B4GALNT3: variants seen among roughly 807,000 people sequenced by gnomAD.
The protein encoded by B4GALNT3 is beta-1,4-N-acetyl-galactosaminyltransferase 3.
B4GALNT3 carries 86 observed loss-of-function variants against 120.2 expected under a neutral mutation model. That is an observed-to-expected ratio of 0.72 (90% confidence interval 0.60 to 0.86). B4GALNT3 has a LOEUF of 0.86. Among genes scored for constraint, B4GALNT3 ranks in the 40% least tolerant of loss-of-function variants. The pLI, the probability that B4GALNT3 is intolerant of heterozygous loss-of-function variation, is 0.00. For synonymous variants in B4GALNT3, 518 were observed against 510.4 expected, an observed-to-expected ratio of 1.01 and a Z score of -0.20; for missense variants, 1,167 against 1,298.9, an observed-to-expected ratio of 0.90 and a Z score of 1.56.
chr12:545,503 GC>G, intron 6 of B4GALNT3, 34 bp downstream of exon 6: 4 of 1,550,898 alleles, frequency 2.6e-6, no homozygotes, highest in Non-Finnish European at 3.5e-6. Flanking sequence ...CCTCCCATCT[GC>G]TCCTGGAGCC....
intron 17 of B4GALNT3, 36 bp downstream of exon 17, chr12:558,124 C>A: frequency 6.2e-7 from 1 of 1,603,166 alleles, no homozygotes; most frequent in Non-Finnish European, 8.5e-7. Context: ...AGATGGAATT[C>A]AAGGCTGGTT....
intron 1 of B4GALNT3, among the ~76,000 whole-genome samples, chr12:492,335 A>C (rs1185397521): frequency 6.6e-6 from 1 of 152,224 alleles, no homozygotes; most frequent in African/African-American, 2.4e-5. Context: ...GAACAAGTGG[A>C]ATTTGAAATT....
intron 1 of B4GALNT3, among the ~76,000 whole-genome samples, chr12:503,174 A>G (rs1166811356): frequency 6.6e-6 from 1 of 152,154 alleles, no homozygotes; most frequent in Non-Finnish European, 1.5e-5. Flanking sequence ...CCTGTTTCCC[A>G]GCAAGGAAAT....
At chr12:506,838 G>A (rs1418556147) in intron 1 of B4GALNT3, among the ~76,000 whole-genome samples, 7 of 152,108 alleles carry the variant, frequency 4.6e-5, no homozygotes, top group East Asian at 1.9e-4. Flanking sequence ...GGGTTTCACC[G>A]TGTTAGCCAG....
intron 1 of B4GALNT3, among the ~76,000 whole-genome samples, chr12:500,864 G>GTTTTTTTTTTTTTTTTTTTTTTTT (rs1565594758): frequency 6.0e-5 from 1 of 16,744 alleles, no homozygotes; most frequent in Non-Finnish European, 1.1e-4. Context: ...TGGCTCCACT[G>GTTTTTTTTTTTTTTTTTTTTTTTT]CTTTTTTTTT....
chr12:511,901 T>C (rs1946574633), intron 1 of B4GALNT3, among the ~76,000 whole-genome samples: 1 of 112,558 alleles, frequency 8.9e-6, no homozygotes, highest in Admixed American at 8.1e-5. Flanking sequence ...CCTTCCACCT[T>C]CCGCCTTCGA....
chr12:487,762 T>A (rs1349275312), intron 1 of B4GALNT3, among the ~76,000 whole-genome samples: 2 of 149,402 alleles, frequency 1.3e-5, no homozygotes, highest in Non-Finnish European at 3.0e-5. Flanking sequence ...AAGAACAGCC[T>A]GGGAAACATA....
At chr12:554,555 C>G (rs1316849667) in intron 14 of B4GALNT3, among the ~76,000 whole-genome samples, 2 of 151,990 alleles carry the variant, frequency 1.3e-5, no homozygotes, top group African/African-American at 4.8e-5. Flanking sequence ...CTTTGGGAGG[C>G]CGAGGCGGGC....
At chr12:487,571 G>A (rs181322988) in intron 1 of B4GALNT3, among the ~76,000 whole-genome samples, 167 of 152,142 alleles carry the variant, frequency 1.1e-3, no homozygotes, top group Admixed American at 2.9e-3. Context: ...AAACTAGCCC[G>A]GTGTAGTGGC....
chr12:540,046 T>A (rs1464383444), intron 3 of B4GALNT3, among the ~76,000 whole-genome samples: 2 of 152,216 alleles, frequency 1.3e-5, no homozygotes, highest in African/African-American at 4.8e-5. Flanking sequence ...CCGCATGAGT[T>A]AGAACTGAAC....
rs1946937552 is a variant in B4GALNT3 at position 543,060 on chromosome 12, G to C, written c.352-1279G>C. ...AGTTCCCTGTCCTCTCAGCTATTCTGTCACAACCATTGTCCCCGTTGCCTG... is the reference window on the plus strand; with the variant it reads ...AGTTCCCTGTCCTCTCAGCTATTCTCTCACAACCATTGTCCCCGTTGCCTG... On this transcript the variant is annotated intron_variant, in intron 3 of 19. Transcript: ENST00000266383. 8.8e-6 allele frequency: 11 copies of C among 1,253,082 alleles called. No individual in the cohort carries two copies. In the South Asian group the frequency reaches 1.2e-4, roughly 14 times the overall value. The allele number at this position is 1,253,082 out of a possible 1,614,324, so 77.6% of individuals were successfully genotyped here.
At chr12:553,068 A>T in intron 13 of B4GALNT3, 126 bp from the exon 14 acceptor site, 1 of 1,374,384 alleles carries the variant, frequency 7.3e-7, no homozygotes, top group South Asian at 1.4e-5. Context: ...AAGCGATAGA[A>T]CCTGGATTCA....
At chr12:560,486 T>C (rs1947216731) in intron 19 of B4GALNT3, among the ~76,000 whole-genome samples, 1 of 152,206 alleles carries the variant, frequency 6.6e-6, no homozygotes, top group Admixed American at 6.5e-5. Flanking sequence ...TCTCACTCAC[T>C]TAAGCGTTAG....
At chr12:482,819 C>T (rs1270303675) in intron 1 of B4GALNT3, among the ~76,000 whole-genome samples, 1 of 152,154 alleles carries the variant, frequency 6.6e-6, no homozygotes, top group Non-Finnish European at 1.5e-5. Context: ...TATGATAGAG[C>T]CTGTGAATTG....
rs1380324484 is a variant in B4GALNT3 at position 525,104 on chromosome 12, T to TTATGTATTTATTTATG, written c.170-10059_170-10058insGTATTTATTTATGTAT. ...AACACAATTTTATTTATTTATTTAT[T>TTATGTATTTATTTATG]TATTTATTTATTTATTGTTGTTGAG... On this transcript the variant is annotated intron_variant, in intron 1 of 19. Transcript: ENST00000266383. Among the ~76,000 whole-genome samples the TTATGTATTTATTTATG allele has an allele frequency of 9.2e-5, 14 of 151,878 alleles. No homozygotes were observed. In the East Asian group the frequency reaches 1.9e-3, roughly 21 times the overall value.
intron 1 of B4GALNT3, among the ~76,000 whole-genome samples, chr12:504,032 T>C (rs1341521244): frequency 6.6e-6 from 1 of 151,782 alleles, no homozygotes; most frequent in Non-Finnish European, 1.5e-5. Flanking sequence ...GGAGAATCAC[T>C]TGAACCTCGG....
Position 464,618 on chromosome 12 carries a change from C to T in B4GALNT3, c.169+4073C>T, listed in dbSNP as rs977077965. Among the ~76,000 whole-genome samples the T allele has an allele frequency of 6.5e-5, 9 of 139,340 alleles. No homozygotes were observed. In the South Asian group the frequency reaches 7.9e-4, roughly 12 times the overall value. The allele number at this position is 139,340 out of a possible 152,430, so 91.4% of individuals were successfully genotyped here. A position where few individuals can be genotyped will look rare whatever the true frequency, so the allele number is the denominator to read the frequency against. ...CTGTACTCCAGCCTGAGTGACAGAG[C>T]GAGACTCTACTTAAAAAAAAAAAAT... On this transcript the variant is annotated intron_variant, in intron 1 of 19. Transcript: ENST00000266383.
rs565885610 is a variant in B4GALNT3 at position 545,107 on chromosome 12, G to A, written c.538+135G>A. The A allele has an allele frequency of 6.2e-6, 9 of 1,456,642 alleles. No individual in the cohort carries two copies. The East Asian group carries it at 2.2e-4, about 36-fold the overall frequency. 90.2% of individuals were successfully genotyped at this position (1,456,642 alleles called of 1,614,324 possible). Reference sequence around the variant, plus strand: ...CACCCTCAGGAAGAGAGGGGAAATTGAGTCATATTGCGGTCTTGTCCAACT... The same window carrying A: ...CACCCTCAGGAAGAGAGGGGAAATTAAGTCATATTGCGGTCTTGTCCAACT... On this transcript the variant is annotated intron_variant, in intron 5 of 19. Coordinates refer to ENST00000266383, the MANE Select transcript of B4GALNT3 (RefSeq NM_173593.4).
chr12:507,960 C>T (rs1353464759), intron 1 of B4GALNT3, among the ~76,000 whole-genome samples: 1 of 152,164 alleles, frequency 6.6e-6, no homozygotes, highest in Non-Finnish European at 1.5e-5. Flanking sequence ...GGACACCTGC[C>T]CCTGGAAATC....
Sources: gnomAD v4.1 joint callset for allele counts (sites outside exome capture counted in the v4.1 genomes callset) on GRCh38, gnomAD v4.1.1 for gene constraint, MANE v1.5 for transcripts, NCBI Gene and HGNC (gene_info 2026-07-23, HGNC 2026-07-21) for gene names.